The following EFNB1 variants were observed in gnomAD, a reference collection of about 807,000 sequenced individuals.
EFNB1 encodes the protein ephrin B1.
In EFNB1, 1 loss-of-function variant was observed where a neutral mutation model predicts 18.1. That is an observed-to-expected ratio of 0.06 (90% confidence interval 0.02 to 0.26). The LOEUF is 0.26. Ranked by LOEUF, EFNB1 falls within the 10% of genes least tolerant of loss-of-function variation. EFNB1 has a pLI of 1.00. For synonymous variants in EFNB1, 131 were observed against 127.5 expected, an observed-to-expected ratio of 1.03 and a Z score of -0.19; for missense variants, 221 against 301.8, an observed-to-expected ratio of 0.73 and a Z score of 1.98.
rs762984885 is a variant in EFNB1, at chrX:68,837,221, G to A, written c.129-1396G>A. Among the ~76,000 whole-genome samples, 3 of 111,864 alleles carry A rather than the reference G, an allele frequency of 2.7e-5. No individual in the cohort carries two copies. In the Admixed American group the frequency reaches 2.8e-4, roughly 11 times the overall value. ...CGATGGAGCCATATCTTCTCTTCCT[G>A]TTTCCCCTCCAAAATATGAGAGTGA... is the stretch of plus-strand genomic sequence containing the variant. On this transcript the variant is annotated intron_variant, in intron 1 of 4. Transcript: ENST00000204961.
chrX:68,838,275 A>G (rs1415019720), intron 1 of EFNB1, among the ~76,000 whole-genome samples: 5 of 110,960 alleles, frequency 4.5e-5, no homozygotes, highest in African/African-American at 1.3e-4. Flanking sequence ...TGCCACCTCC[A>G]GGTAGCATGG....
chrX:68,831,546 G>A (rs1269458011), intron 1 of EFNB1, among the ~76,000 whole-genome samples: 4 of 111,096 alleles, frequency 3.6e-5, no homozygotes, highest in Non-Finnish European at 7.5e-5. Context: ...CAGTGGTTGT[G>A]AAGTGCTCAG....
At chrX:68,838,036 C>T (rs377057059) in intron 1 of EFNB1, among the ~76,000 whole-genome samples, 2 of 111,346 alleles carry the variant, frequency 1.8e-5, no homozygotes, top group African/African-American at 6.5e-5. Context: ...GGGGAGAAGA[C>T]ATGGGTCCCA....
intron 1 of EFNB1, 107 bp from the exon 2 acceptor site, chrX:68,838,510 A>G: frequency 2.1e-6 from 2 of 974,250 alleles, no homozygotes; most frequent in Admixed American, 2.5e-5. Context: ...TGCTCTTGCC[A>G]TCTCCACCCA....
chrX:68,839,885 G>A (rs1438316931), intron 3 of EFNB1, 75 bp from the exon 4 acceptor site: 2 of 1,202,370 alleles, frequency 1.7e-6, no homozygotes, highest in South Asian at 1.8e-5. Flanking sequence ...GGCCATTCTT[G>A]GCCCACCCTT....
chrX:68,836,526 C>T (rs1426134788), intron 1 of EFNB1, among the ~76,000 whole-genome samples: 2 of 112,294 alleles, frequency 1.8e-5, no homozygotes, highest in African/African-American at 6.5e-5. Context: ...CCACTTCATC[C>T]ATGTGGTCAG....
chrX:68,840,772 T>G lies in EFNB1; in HGVS notation c.*118T>G, dbSNP rs773851995. On this transcript the variant is annotated 3_prime_UTR_variant, in exon 5 of 5. Coordinates refer to ENST00000204961, the MANE Select transcript of EFNB1 (RefSeq NM_004429.5). The stretch of plus-strand genomic sequence containing the variant: ...CCACCTTTGTATTTAGTTTTGTAGT[T>G]TCTTGGCTTTTATAATCCCCCTTTT... 3 of 870,042 alleles carry G rather than the reference T, an allele frequency of 3.4e-6. No homozygotes were observed. In the African/African-American group the frequency reaches 6.0e-5, roughly 17 times the overall value. The allele number at this position is 870,042 out of a possible 1,213,427, so 71.7% of individuals were successfully genotyped here. A position where few individuals can be genotyped will look rare whatever the true frequency, so the allele number is the denominator to read the frequency against.
At chrX:68,838,488 GGGCAGAA>G in intron 1 of EFNB1, 122 bp from the exon 2 acceptor site, 1 of 760,427 alleles carries the variant, frequency 1.3e-6, no homozygotes, top group Non-Finnish European at 2.0e-6. Context: ...GATGGAGGAA[GGGCAGAA>G]GGCTTGCTCT....
At position 68,840,404 on chromosome X, in the gene EFNB1, A is replaced by G. The variant is rs779503158; in HGVS notation, c.791A>G (p.Lys264Arg). 3 of 1,211,799 alleles carry G rather than the reference A, an allele frequency of 2.5e-6. No homozygotes were observed. The Admixed American group carries it at 6.5e-5, about 26-fold the overall frequency. The change falls in exon 5 of 5, where the codon AAG becomes AGG. Residue 264 changes from lysine to arginine, a missense_variant. Coordinates refer to ENST00000204961, the MANE Select transcript of EFNB1 (RefSeq NM_004429.5). ...IIIFLTVLLLKLRKRHRKHTQ... is the reference protein window; with the variant it reads ...IIIFLTVLLLRLRKRHRKHTQ... ...ATCTTCCTGACGGTCCTACTACTGAAGCTACGCAAGCGGCACCGCAAGCAC... is the reference window on the plus strand; with the variant it reads ...ATCTTCCTGACGGTCCTACTACTGAGGCTACGCAAGCGGCACCGCAAGCAC...
intron 1 of EFNB1, among the ~76,000 whole-genome samples, chrX:68,838,223 G>A (rs757634631): frequency 1.7e-4 from 18 of 108,369 alleles, no homozygotes; most frequent in South Asian, 4.1e-4. Context: ...TAGTAGCAGC[G>A]GTCATGAAGG....
chrX:68,835,426 C>T (rs1306991957), intron 1 of EFNB1, among the ~76,000 whole-genome samples: 1 of 111,594 alleles, frequency 9.0e-6, no homozygotes, highest in Non-Finnish European at 1.9e-5. Flanking sequence ...TTCCCTTACT[C>T]CTACTCCTAA....
chrX:68,832,888 G>A (rs765637577), intron 1 of EFNB1, among the ~76,000 whole-genome samples: 4 of 108,859 alleles, frequency 3.7e-5, no homozygotes, highest in South Asian at 8.2e-4. Context: ...GACCCCTCCC[G>A]CAGCCTCTTC....
intron 1 of EFNB1, among the ~76,000 whole-genome samples, chrX:68,838,146 T>G (rs2080465778): frequency 2.1e-5 from 1 of 46,794 alleles, no homozygotes; most frequent in Admixed American, 2.0e-4. Context: ...TGTGTGTGTG[T>G]GTGTGTGTGT....
At chrX:68,838,949 C>G in intron 2 of EFNB1, 55 bp downstream of exon 2, 4 of 1,160,739 alleles carry the variant, frequency 3.4e-6, no homozygotes, top group Non-Finnish European at 4.6e-6. Flanking sequence ...ACTCTTTCCT[C>G]TCCTGTAGTA....
Position 68,829,784 on chromosome X carries a change from G to C in EFNB1, c.8G>C (p.Arg3Pro), listed in dbSNP as rs373904459. 47 of 1,192,016 alleles carry C rather than the reference G, an allele frequency of 3.9e-5. No homozygotes were observed. The highest frequency in any genetic ancestry group is 4.7e-5 in the Non-Finnish European group (42 of 885,488). Residue 3 changes from arginine (R) to proline (P), a missense_variant, in exon 1 of 5, where the codon CGG becomes CCG. Physicochemically the swap from Arg to Pro is moderately radical, Grantham distance 103. Transcript: ENST00000204961. The stretch of plus-strand genomic sequence containing the variant: ...CAGTCTGCCCCCGGGAAGATGGCTC[G>C]GCCTGGGCAGCGTTGGCTCGGCAAG... MA[R>P]PGQRWLGKWL...
In EFNB1 at chrX:68,840,429, C is replaced by T. The variant is rs746962380; in HGVS notation, c.816C>T (p.His272=). ...LLKLRKRHRK[H]TQQRAAALSL... is the part of the protein sequence containing the mutation. ...AGCTACGCAAGCGGCACCGCAAGCACACACAGCAGCGGGCGGCTGCCCTCT... is the reference window on the plus strand; with the variant it reads ...AGCTACGCAAGCGGCACCGCAAGCATACACAGCAGCGGGCGGCTGCCCTCT... Residue 272 remains histidine, a synonymous_variant, in exon 5 of 5, where the codon CAC becomes CAT. Transcript: ENST00000204961. 20 of 1,210,800 alleles carry T rather than the reference C, an allele frequency of 1.7e-5. No individual in the cohort carries two copies. Among genetic ancestry groups the T allele is most frequent in the Non-Finnish European group, 2.0e-5 (18 of 895,416 alleles).
chrX:68,840,421 C>T lies in EFNB1; in HGVS notation c.808C>T (p.Arg270Cys), dbSNP rs777491240. Residue 270 changes from arginine to cysteine, a missense_variant, in exon 5 of 5, where the codon CGC becomes TGC. Transcript: ENST00000204961. ...ACTACTGAAGCTACGCAAGCGGCAC[C>T]GCAAGCACACACAGCAGCGGGCGGC... ...VLLLKLRKRH[R>C]KHTQQRAAAL... 14 of 1,210,643 alleles carry T rather than the reference C, an allele frequency of 1.2e-5. No homozygotes were observed. The highest frequency in any genetic ancestry group is 3.0e-5 in the East Asian group (1 of 33,787).
rs773636810 is a variant in EFNB1, at chrX:68,840,691, G to A, written c.*37G>A. 6 of 1,178,270 alleles carry A rather than the reference G, an allele frequency of 5.1e-6. No homozygotes were observed. Among genetic ancestry groups the A allele is most frequent in the East Asian group, 3.1e-5 (1 of 32,780 alleles). ...GGCCTCAGGCCCCCGAGGGACAGTC[G>A]GCCTGGACCGGACCTCTCCTTTCGC... On this transcript the variant is annotated 3_prime_UTR_variant, in exon 5 of 5. Coordinates refer to ENST00000204961, the MANE Select transcript of EFNB1 (RefSeq NM_004429.5).
At chrX:68,829,974 A>G in intron 1 of EFNB1, 70 bp downstream of exon 1, 1 of 1,108,818 alleles carries the variant, frequency 9.0e-7, no homozygotes, top group Non-Finnish European at 1.2e-6. Flanking sequence ...CACGCCCCGG[A>G]GTGCATGTGG....
Sources: gnomAD v4.1 joint callset for allele counts (sites outside exome capture counted in the v4.1 genomes callset) on GRCh38, gnomAD v4.1.1 for gene constraint, MANE v1.5 for transcripts, NCBI Gene and HGNC (gene_info 2026-07-23, HGNC 2026-07-21) for gene names.